The following MSI2 variants were observed in gnomAD, a reference collection of about 807,000 sequenced individuals.
MSI2 encodes musashi RNA binding protein 2, also known as RNA-binding protein Musashi homolog 2.
A neutral mutation model predicts 45.6 loss-of-function variants in MSI2; 17 were observed. The observed-to-expected ratio is 0.37, with a 90% CI of 0.26 to 0.56. The LOEUF (loss-of-function observed/expected upper bound fraction) is 0.56, where lower values mean the gene tolerates loss of function less well. MSI2 is among the 20% of genes least tolerant of loss of function. The pLI is 0.77. For synonymous variants in MSI2, 156 were observed against 158.2 expected, an observed-to-expected ratio of 0.99 and a Z score of 0.11; for missense variants, 293 against 444.2, an observed-to-expected ratio of 0.66 and a Z score of 3.06.
chr17:57,548,967 A>G (rs957507745), intron 7 of MSI2, among the ~76,000 whole-genome samples: 33 of 134,354 alleles, frequency 2.5e-4, no homozygotes, highest in African/African-American at 9.0e-4. Context: ...TACAGTGGTT[A>G]TTCTCACAAG....
intron 11 of MSI2, among the ~76,000 whole-genome samples, chr17:57,655,678 C>T (rs988471543): frequency 4.6e-5 from 7 of 152,094 alleles, no homozygotes; most frequent in African/African-American, 7.2e-5. Context: ...CATACTTTCC[C>T]GCCTCTCTTA....
intron 5 of MSI2, among the ~76,000 whole-genome samples, chr17:57,334,786 T>TC (rs1914560603): frequency 6.8e-6 from 1 of 147,430 alleles, no homozygotes; most frequent in Non-Finnish European, 1.5e-5. Flanking sequence ...AGTACGAGAC[T>TC]CCATCTCAAA....
At chr17:57,667,503 G>A (rs907722769) in intron 11 of MSI2, among the ~76,000 whole-genome samples, 2 of 152,132 alleles carry the variant, frequency 1.3e-5, no homozygotes, top group Non-Finnish European at 2.9e-5. Flanking sequence ...GACAAGCCCC[G>A]TGCCAATGCC....
At chr17:57,349,762 C>A (rs937804978) in intron 5 of MSI2, among the ~76,000 whole-genome samples, 6 of 152,192 alleles carry the variant, frequency 3.9e-5, no homozygotes, top group Non-Finnish European at 1.5e-5. Context: ...AGGAACCACA[C>A]AAAAAGAGTT....
chr17:57,698,394 G>A, the MSI2 span, among the ~76,000 whole-genome samples: 1 of 152,152 alleles, frequency 6.6e-6, no homozygotes, highest in East Asian at 1.9e-4. Context: ...ACCTTTCCTC[G>A]GTGGCTCCCT....
chr17:57,486,074 A>G (rs1027041417), intron 6 of MSI2, among the ~76,000 whole-genome samples: 2 of 152,230 alleles, frequency 1.3e-5, no homozygotes, highest in African/African-American at 4.8e-5. Flanking sequence ...GTGTCAGAAT[A>G]ACAGCTTCTG....
intron 8 of MSI2, among the ~76,000 whole-genome samples, chr17:57,615,486 G>A (rs1471730643): frequency 6.6e-6 from 1 of 152,208 alleles, no homozygotes; most frequent in African/African-American, 2.4e-5. Context: ...CTAAGGCTAA[G>A]TGGTCTGTCT....
chr17:57,589,581 G>A (rs1055062065), intron 7 of MSI2, among the ~76,000 whole-genome samples: 3 of 152,182 alleles, frequency 2.0e-5, no homozygotes, highest in African/African-American at 7.2e-5. Flanking sequence ...GCCAATGGAC[G>A]CACAGCCAAC....
At chr17:57,634,749 G>A (rs1192651386) in intron 10 of MSI2, among the ~76,000 whole-genome samples, 1 of 152,158 alleles carries the variant, frequency 6.6e-6, no homozygotes, top group African/African-American at 2.4e-5. Flanking sequence ...TCATGTAAAA[G>A]AAGCCTGGAT....
At chr17:57,351,412 C>T (rs1479460128) in intron 5 of MSI2, among the ~76,000 whole-genome samples, 1 of 152,202 alleles carries the variant, frequency 6.6e-6, no homozygotes, top group East Asian at 1.9e-4. Context: ...CAAATAAATA[C>T]ACCATCTAAG....
intron 9 of MSI2, among the ~76,000 whole-genome samples, chr17:57,618,789 G>A (rs1441016126): frequency 2.6e-5 from 4 of 152,112 alleles, no homozygotes; most frequent in African/African-American, 9.7e-5. Flanking sequence ...TGATCCACCC[G>A]CCTCAGCCTC....
At chr17:57,570,589 C>T (rs772452410) in intron 7 of MSI2, among the ~76,000 whole-genome samples, 2 of 152,162 alleles carry the variant, frequency 1.3e-5, no homozygotes, top group Non-Finnish European at 2.9e-5. Context: ...CCTTCTTGTC[C>T]CCAGTCCTTG....
At chr17:57,358,964 G>A (rs1418695205) in intron 5 of MSI2, among the ~76,000 whole-genome samples, 2 of 152,130 alleles carry the variant, frequency 1.3e-5, no homozygotes, top group South Asian at 2.1e-4. Flanking sequence ...GTTTTATAGA[G>A]GGCAACTCTG....
At chr17:57,655,184 G>C (rs951200105) in intron 11 of MSI2, among the ~76,000 whole-genome samples, 2 of 152,100 alleles carry the variant, frequency 1.3e-5, no homozygotes, top group African/African-American at 4.8e-5. Context: ...ACCCCACCAG[G>C]TGAGGTCCCT....
rs772246662 is a variant in MSI2 at position 57,616,033 on chromosome 17, C to T, written c.601C>T (p.Arg201Trp). Residue 201 changes from arginine to tryptophan, a missense_variant, in exon 9 of 14, where the codon CGG (arginine) becomes TGG (tryptophan). Physicochemically the swap from Arg to Trp is moderately radical, Grantham distance 101. Transcript: ENST00000284073. ...CCCACCTGGGACAAGAGGCCGGGCC[C>T]GGGGACTGCCTTACACCATGGACGC... Reference protein sequence around the residue: ...MFPPGTRGRARGLPYTMDAFM... With the variant: ...MFPPGTRGRAWGLPYTMDAFM... 3.1e-6 allele frequency: 5 copies of T among 1,614,024 alleles called. No individual in the cohort carries two copies. Among genetic ancestry groups the T allele is most frequent in the Admixed American group, 1.7e-5 (1 of 59,994 alleles).
At chr17:57,655,071 G>C (rs971563295) in intron 11 of MSI2, among the ~76,000 whole-genome samples, 6 of 151,874 alleles carry the variant, frequency 4.0e-5, no homozygotes, top group African/African-American at 9.7e-5. Flanking sequence ...TAGGAGGTCT[G>C]GGGGGGCCTT....
chr17:57,538,546 G>A (rs187304934), intron 7 of MSI2, among the ~76,000 whole-genome samples: 6 of 152,178 alleles, frequency 3.9e-5, no homozygotes, highest in Middle Eastern at 3.4e-3. Flanking sequence ...AAATGATTCC[G>A]CTTGCGAGGT....
chr17:57,510,155 T>C (rs931187797), intron 6 of MSI2, among the ~76,000 whole-genome samples: 1 of 152,030 alleles, frequency 6.6e-6, no homozygotes, highest in Non-Finnish European at 1.5e-5. Context: ...CTTGGTCCCA[T>C]AGGACTTTCA....
rs117212762 is a variant in MSI2, at chr17:57,436,698, C to T, written c.405+35227C>T. Among the ~76,000 whole-genome samples, 23 of 152,266 alleles carry T rather than the reference C, an allele frequency of 1.5e-4. No individual in the cohort carries two copies. The East Asian group carries it at 4.2e-3, about 28-fold the overall frequency. ...AGACTTGGGTGGAAGTGAAAGATGC[C>T]GCTTGCTGTGGGCATTCCAATGAAA... On this transcript the variant is annotated intron_variant, in intron 6 of 13. Transcript: ENST00000284073.
Sources: allele counts gnomAD v4.1 joint callset (sites outside exome capture counted in the v4.1 genomes callset), GRCh38; gene constraint gnomAD v4.1.1; transcripts MANE v1.5; gene names NCBI Gene and HGNC (gene_info 2026-07-23, HGNC 2026-07-21).